Variants in GRM3 observed in about 807,000 individuals in gnomAD.
GRM3 encodes metabotropic glutamate receptor 3.
A neutral mutation model predicts 70.5 loss-of-function variants in GRM3; 26 were observed. That is an observed-to-expected ratio of 0.37 (90% CI 0.27 to 0.51). GRM3 has a LOEUF of 0.51. Among genes scored for constraint, GRM3 ranks in the 20% least tolerant of loss-of-function variants. GRM3 has a pLI of 0.93. For synonymous variants in GRM3, 443 were observed against 434.9 expected (o/e 1.02, Z -0.23); for missense variants, 859 against 1,123.8 (o/e 0.76, Z 3.37).
chr7:86,658,728 C>A (rs552060637), intron 1 of GRM3, among the ~76,000 whole-genome samples: 10 of 152,036 alleles, frequency 6.6e-5, no homozygotes, highest in South Asian at 2.1e-4. Flanking sequence ...CACTCTGGAG[C>A]AAATTTTCCT....
chr7:86,837,975 G>C lies in GRM3; in HGVS notation c.1325-864G>C, dbSNP rs145346719. Among the ~76,000 whole-genome samples the C allele has an allele frequency of 3.3e-3, 496 of 152,286 alleles. 3 individuals carry two copies. Among genetic ancestry groups the C allele is most frequent in the African/African-American group, 0.011 (458 of 41,560 alleles). ...GTGATCAGAGGGGTGGTGTATGTTG[G>C]CAAGACAAACATGATGAGCAGCAGC... On this transcript the variant is annotated intron_variant, in intron 3 of 5. Coordinates refer to ENST00000361669, the MANE Select transcript of GRM3 (RefSeq NM_000840.3).
chr7:86,765,316 T>C lies in GRM3; in HGVS notation c.171T>C (p.Cys57=). ...AAAAAGGCACTGGAACTGAAGAATGTGGGCGAATCAATGAAGACCGAGGGA... is the reference window on the plus strand; with the variant it reads ...AAAAAGGCACTGGAACTGAAGAATGCGGGCGAATCAATGAAGACCGAGGGA... ...INEKGTGTEE[C]GRINEDRGIQ... Residue 57 remains cysteine, a synonymous_variant, in exon 2 of 6, where the codon TGT becomes TGC. Coordinates refer to ENST00000361669, the MANE Select transcript of GRM3 (RefSeq NM_000840.3). The C allele has an allele frequency of 6.2e-7, 1 of 1,613,892 alleles. No homozygotes were observed. The highest frequency in any genetic ancestry group is 1.1e-5 in the South Asian group (1 of 91,080).
intron 1 of GRM3, among the ~76,000 whole-genome samples, chr7:86,753,195 CA>C (rs1307738576): frequency 6.6e-6 from 1 of 152,072 alleles, no homozygotes; most frequent in Non-Finnish European, 1.5e-5. Context: ...CCCCCAATTT[CA>C]TTAGAGTCAT....
intron 1 of GRM3, among the ~76,000 whole-genome samples, chr7:86,678,901 A>G (rs1794371735): frequency 6.6e-6 from 1 of 152,054 alleles, no homozygotes; most frequent in South Asian, 2.1e-4. Context: ...TGAGAAGGCT[A>G]TGGTACATGG....
intron 1 of GRM3, among the ~76,000 whole-genome samples, chr7:86,676,158 T>C (rs1794301491): frequency 6.6e-6 from 1 of 151,942 alleles, no homozygotes; most frequent in African/African-American, 2.4e-5. Context: ...ATTTCATCAA[T>C]ATGTTTATAT....
chr7:86,680,889 T>A (rs1004293049), intron 1 of GRM3, among the ~76,000 whole-genome samples: 1 of 152,150 alleles, frequency 6.6e-6, no homozygotes, highest in Non-Finnish European at 1.5e-5. Context: ...CCTGCCCACA[T>A]GTAATGTACC....
chr7:86,687,572 A>G (rs1204237410), intron 1 of GRM3, among the ~76,000 whole-genome samples: 1 of 151,496 alleles, frequency 6.6e-6, no homozygotes, highest in Non-Finnish European at 1.5e-5. Flanking sequence ...AGAAAAACAA[A>G]AGCCGAGAAT....
At chr7:86,668,229 A>G (rs1041524995) in intron 1 of GRM3, among the ~76,000 whole-genome samples, 20 of 151,926 alleles carry the variant, frequency 1.3e-4, no homozygotes, top group Non-Finnish European at 1.5e-5. Context: ...GTGCTTCCTT[A>G]GGATTCTTCT....
rs1236057583 is a variant in GRM3 at position 86,675,292 on chromosome 7, G to A, written c.-141+30420G>A. Among the ~76,000 whole-genome samples the A allele has an allele frequency of 3.3e-5, 5 of 152,142 alleles. No homozygotes were observed. The South Asian group carries it at 6.2e-4, about 19-fold the overall frequency. On this transcript the variant is annotated intron_variant, in intron 1 of 5. Coordinates refer to ENST00000361669, the MANE Select transcript of GRM3 (RefSeq NM_000840.3). ...TTTTCAAGTAGGATTTATAGACCCAGGACATCCCCCATAGGAGGTCAGAAG... is the reference window on the plus strand; with the variant it reads ...TTTTCAAGTAGGATTTATAGACCCAAGACATCCCCCATAGGAGGTCAGAAG...
intron 3 of GRM3, among the ~76,000 whole-genome samples, chr7:86,811,557 A>G (rs551602794): frequency 6.6e-6 from 1 of 151,612 alleles, no homozygotes; most frequent in East Asian, 1.9e-4. Flanking sequence ...TATTCCCCAA[A>G]CCCTAAACTG....
chr7:86,762,973 G>A (rs1796516541), intron 1 of GRM3, among the ~76,000 whole-genome samples: 1 of 152,094 alleles, frequency 6.6e-6, no homozygotes, highest in Non-Finnish European at 1.5e-5. Context: ...AGATCATAAA[G>A]CACTGAGAAG....
chr7:86,652,619 GTGCCC>G, intron 1 of GRM3, among the ~76,000 whole-genome samples: 1 of 152,158 alleles, frequency 6.6e-6, no homozygotes. Flanking sequence ...ATGAACCATG[GTGCCC>G]GGCCAGTAGC....
At chr7:86,740,767 G>T (rs1319995019) in intron 1 of GRM3, among the ~76,000 whole-genome samples, 4 of 152,142 alleles carry the variant, frequency 2.6e-5, no homozygotes, top group Non-Finnish European at 5.9e-5. Context: ...AGAGGCCCTT[G>T]GCAAGGACTT....
chr7:86,746,323 T>A, intron 1 of GRM3, among the ~76,000 whole-genome samples: 1 of 132,774 alleles, frequency 7.5e-6, no homozygotes, highest in Admixed American at 8.0e-5. Flanking sequence ...ATATGACTAA[T>A]AGAGGGTCAG....
In GRM3 at chr7:86,723,905, A is replaced by G. The variant is rs17160933; in HGVS notation, c.-140-41101A>G. Reference sequence around the variant, plus strand: ...TGAAGCACAATGCAAGATTGGTGTTAAAGACCATGGTAGTAACGAATGCAT... The same window carrying G: ...TGAAGCACAATGCAAGATTGGTGTTGAAGACCATGGTAGTAACGAATGCAT... On this transcript the variant is annotated intron_variant, in intron 1 of 5. Transcript: ENST00000361669. Among the ~76,000 whole-genome samples the G allele has an allele frequency of 9.6e-3, 1,464 of 152,274 alleles. 18 individuals carry two copies. Among genetic ancestry groups the G allele is most frequent in the African/African-American group, 0.031 (1,303 of 41,560 alleles).
chr7:86,856,784 A>G (rs1798858045), intron 5 of GRM3, among the ~76,000 whole-genome samples: 1 of 152,078 alleles, frequency 6.6e-6, no homozygotes, highest in Non-Finnish European at 1.5e-5. Flanking sequence ...TTGTCTCACA[A>G]CTGCTTTTTT....
intron 2 of GRM3, among the ~76,000 whole-genome samples, chr7:86,782,505 A>G (rs1047480329): frequency 1.9e-4 from 29 of 152,194 alleles, no homozygotes; most frequent in African/African-American, 6.5e-4. Context: ...ATGATTCTGT[A>G]TCTTCCTGCC....
intron 3 of GRM3, among the ~76,000 whole-genome samples, chr7:86,832,782 C>T (rs1032650157): frequency 6.6e-5 from 10 of 152,150 alleles, no homozygotes; most frequent in African/African-American, 2.4e-4. Context: ...GAGGACTGGT[C>T]ACCTTGGTAT....
intron 1 of GRM3, among the ~76,000 whole-genome samples, chr7:86,671,301 T>C (rs1446307340): frequency 1.3e-5 from 2 of 152,244 alleles, no homozygotes; most frequent in African/African-American, 4.8e-5. Context: ...ATGGTAATTA[T>C]GTAATCTCCA....
Sources: allele counts gnomAD v4.1 joint callset (sites outside exome capture counted in the v4.1 genomes callset), GRCh38; gene constraint gnomAD v4.1.1; transcripts MANE v1.5; gene names NCBI Gene and HGNC (gene_info 2026-07-23, HGNC 2026-07-21).